NBEA: variants seen among roughly 807,000 people sequenced by gnomAD.
NBEA encodes neurobeachin.
A neutral mutation model predicts 343.4 loss-of-function variants in NBEA; 44 were observed. The ratio of observed to expected loss-of-function variants is 0.13; its 90% CI spans 0.10 to 0.16. The LOEUF is 0.16. Ranked by LOEUF, NBEA falls within the 10% of genes least tolerant of loss-of-function variation. The pLI, the probability that NBEA is intolerant of heterozygous loss-of-function variation, is 1.00. For missense variants in NBEA, 2,555 were observed against 3,631.3 expected (o/e 0.70, Z 7.62); for synonymous variants, 1,175 against 1,238.7 (o/e 0.95, Z 1.08).
At position 35,486,478 on chromosome 13, in the gene NBEA, G is replaced by A. The variant is rs560196417; in HGVS notation, c.6585+13942G>A. Among the ~76,000 whole-genome samples the A allele has an allele frequency of 2.4e-4, 37 of 151,968 alleles. 1 individual carries two copies. The highest frequency in any genetic ancestry group is 8.7e-4 in the African/African-American group (36 of 41,456). ...GGGAAAGATGGGTGACAAGGAACAG[G>A]GACCAATATTTAATGAGTATTTAAT... On this transcript the variant is annotated intron_variant, in intron 41 of 58. Transcript: ENST00000379939.
intron 40 of NBEA, among the ~76,000 whole-genome samples, chr13:35,467,604 T>C (rs551658219): frequency 2.1e-3 from 313 of 152,338 alleles, no homozygotes; most frequent in Non-Finnish European, 3.3e-3. Context: ...TATTATATTT[T>C]TGTCCTGATT....
At chr13:35,577,601 G>T (rs3829376) in intron 45 of NBEA, among the ~76,000 whole-genome samples, 1 of 151,642 alleles carries the variant, frequency 6.6e-6, no homozygotes, top group Non-Finnish European at 1.5e-5. Context: ...TATGTCTTTC[G>T]ATTTTTGCAT....
intron 1 of NBEA, among the ~76,000 whole-genome samples, chr13:35,017,362 T>A (rs931590743): frequency 1.3e-5 from 2 of 152,162 alleles, no homozygotes; most frequent in African/African-American, 4.8e-5. Context: ...TAAATGTGTG[T>A]TTAGTGCCTG....
At chr13:35,058,358 A>G (rs890164044) in intron 7 of NBEA, among the ~76,000 whole-genome samples, 10 of 152,276 alleles carry the variant, frequency 6.6e-5, no homozygotes, top group East Asian at 1.9e-4. Context: ...ATTCAGATCA[A>G]TCTCTCCATA....
At chr13:35,357,133 C>T (rs760202425) in intron 38 of NBEA, among the ~76,000 whole-genome samples, 1 of 152,030 alleles carries the variant, frequency 6.6e-6, no homozygotes, top group East Asian at 1.9e-4. Flanking sequence ...AATTTCCATA[C>T]ACATGTATCA....
Position 35,050,314 on chromosome 13 carries a change from C to T in NBEA, c.891C>T (p.Gly297=). 6.2e-7 allele frequency: 1 copy of T among 1,608,974 alleles called. No individual in the cohort carries two copies. Among genetic ancestry groups the T allele is most frequent in the Non-Finnish European group, 8.5e-7 (1 of 1,177,976 alleles). The change falls in exon 6 of 59, where the codon GGC becomes GGT. Residue 297 remains glycine (G), a synonymous_variant. Transcript: ENST00000379939. ...TTGGTTACTCTGCTCATTTTGTTGG[C>T]AACTGTTTAATAGTCACATCATTGA... is the stretch of plus-strand genomic sequence containing the variant. ...KGVGYSAHFV[G]NCLIVTSLKS...
At chr13:35,188,966 C>T (rs1181906423) in intron 30 of NBEA, among the ~76,000 whole-genome samples, 1 of 141,194 alleles carries the variant, frequency 7.1e-6, no homozygotes, top group African/African-American at 2.7e-5. Context: ...GTCACCCTGG[C>T]TTGAGTGCAG....
At chr13:35,521,924 A>G (rs1176501441) in intron 41 of NBEA, among the ~76,000 whole-genome samples, 3 of 152,334 alleles carry the variant, frequency 2.0e-5, no homozygotes, top group Non-Finnish European at 2.9e-5. Context: ...TTCAGAAAGA[A>G]GAATGCGCAA....
At chr13:35,379,781 A>C (rs1440409681) in intron 38 of NBEA, among the ~76,000 whole-genome samples, 3 of 149,476 alleles carry the variant, frequency 2.0e-5, no homozygotes, top group Non-Finnish European at 4.4e-5. Flanking sequence ...TTCTTACTGT[A>C]GTTAAGATGT....
intron 39 of NBEA, among the ~76,000 whole-genome samples, chr13:35,436,082 CAAAAA>C (rs1177577249): frequency 2.0e-5 from 3 of 150,136 alleles, no homozygotes; most frequent in Admixed American, 2.0e-4. Context: ...AGAATGGACT[CAAAAA>C]AAAGAAAACA....
At chr13:35,301,100 C>G (rs931179320) in intron 35 of NBEA, among the ~76,000 whole-genome samples, 1 of 151,538 alleles carries the variant, frequency 6.6e-6, no homozygotes, top group Non-Finnish European at 1.5e-5. Flanking sequence ...TTTTCTGTCT[C>G]TCATTTAGTA....
chr13:35,005,216 A>G (rs151234116), intron 1 of NBEA, among the ~76,000 whole-genome samples: 6,846 of 145,324 alleles, frequency 0.047, 228 homozygotes, highest in Non-Finnish European at 0.068. Flanking sequence ...CACAGGGCAG[A>G]TTTTTTTTTT....
chr13:35,549,410 T>C (rs771626313), intron 41 of NBEA, among the ~76,000 whole-genome samples: 71 of 152,194 alleles, frequency 4.7e-4, no homozygotes, highest in Non-Finnish European at 7.6e-4. Context: ...CGGTAGAGTA[T>C]ACCACAGCAA....
intron 1 of NBEA, among the ~76,000 whole-genome samples, chr13:34,949,545 T>C (rs983200603): frequency 6.6e-6 from 1 of 152,302 alleles, no homozygotes; most frequent in African/African-American, 2.4e-5. Context: ...ATAGTGGTAG[T>C]GAATGTGTTC....
At position 35,475,409 on chromosome 13, in the gene NBEA, C is replaced by T. The variant is rs1050308917; in HGVS notation, c.6585+2873C>T. 6.2e-6 allele frequency: 10 copies of T among 1,613,628 alleles called. No individual in the cohort carries two copies. Among genetic ancestry groups the T allele is most frequent in the African/African-American group, 1.3e-5 (1 of 74,800 alleles). On this transcript the variant is annotated intron_variant, in intron 41 of 58. Coordinates refer to ENST00000379939, the MANE Select transcript of NBEA (RefSeq NM_001385012.1). ...GAGAGGCACTTCTTTCTGCAGCCCC[C>T]CATCTGCAGTCTGTTCTCTGCCTCC...
intron 11 of NBEA, among the ~76,000 whole-genome samples, chr13:35,103,010 T>A (rs2065725057): frequency 6.6e-6 from 1 of 151,830 alleles, no homozygotes; most frequent in South Asian, 2.1e-4. Context: ...AATAGATTAC[T>A]TTGTGTGGAT....
At chr13:35,045,632 C>G (rs1289369130) in intron 4 of NBEA, among the ~76,000 whole-genome samples, 1 of 152,162 alleles carries the variant, frequency 6.6e-6, no homozygotes, top group African/African-American at 2.4e-5. Flanking sequence ...CTTACTACTT[C>G]TGATTTACTT....
intron 18 of NBEA, among the ~76,000 whole-genome samples, chr13:35,149,414 C>T (rs987620983): frequency 2.0e-5 from 3 of 151,956 alleles, no homozygotes; most frequent in African/African-American, 7.3e-5. Context: ...TGAAAACAGA[C>T]AAACTAAGAC....
intron 36 of NBEA, among the ~76,000 whole-genome samples, chr13:35,328,819 T>C (rs1414494473): frequency 2.6e-5 from 4 of 151,826 alleles, no homozygotes; most frequent in Non-Finnish European, 5.9e-5. Flanking sequence ...TTTAAAATTT[T>C]CTGTGAAAAT....
Sources: allele counts gnomAD v4.1 joint callset (sites outside exome capture counted in the v4.1 genomes callset), GRCh38; gene constraint gnomAD v4.1.1; transcripts MANE v1.5; gene names NCBI Gene and HGNC (gene_info 2026-07-23, HGNC 2026-07-21).